HAAO: variants seen among roughly 807,000 people sequenced by gnomAD.
The protein encoded by HAAO is 3-hydroxyanthranilate 3,4-dioxygenase.
A neutral mutation model predicts 46.2 loss-of-function variants in HAAO; 49 were observed. The observed-to-expected ratio is 1.06, with a 90% CI of 0.84 to 1.34. HAAO has a LOEUF of 1.34. HAAO is among the 40% of genes most tolerant of loss of function. The probability of loss-of-function intolerance (pLI) is 0.00; values close to 1 mark genes in which losing one functional copy is unlikely to be tolerated. For missense variants in HAAO, 408 were observed against 364.5 expected, an observed-to-expected ratio of 1.12 and a Z score of -0.97; for synonymous variants, 157 against 145.2, an observed-to-expected ratio of 1.08 and a Z score of -0.58.
Position 42,788,420 on chromosome 2 carries a change from A to G in HAAO, c.159+109T>C, listed in dbSNP as rs2104670490. 3.9e-6 allele frequency: 3 copies of G among 766,460 alleles called. No individual in the cohort carries two copies. In the East Asian group the frequency reaches 7.5e-5, roughly 19 times the overall value. 47.5% of individuals were successfully genotyped at this position (766,460 alleles called of 1,614,324 possible). A position where few individuals can be genotyped will look rare whatever the true frequency, so the allele number is the denominator to read the frequency against. On this transcript the variant is annotated intron_variant, in intron 2 of 9. Transcript: ENST00000294973. ...CCCTCCACTCATCAGCCACATGTCCACCCCTCTCCAGTCCATCATCTCTGG... is the reference window on the plus strand; with the variant it reads ...CCCTCCACTCATCAGCCACATGTCCGCCCCTCTCCAGTCCATCATCTCTGG...
chr2:42,783,720 G>A (rs1672179472), intron 3 of HAAO, 64 bp downstream of exon 3: 1 of 1,391,474 alleles, frequency 7.2e-7, no homozygotes, highest in Non-Finnish European at 1.0e-6. Flanking sequence ...CAGGATGAGT[G>A]GACAGGGCGG....
chr2:42,785,384 A>G (rs1672311353), intron 2 of HAAO, among the ~76,000 whole-genome samples: 1 of 152,240 alleles, frequency 6.6e-6, no homozygotes, highest in Non-Finnish European at 1.5e-5. Context: ...GGAAAATGGA[A>G]AATGCTAAAG....
rs1460139101 is a variant in HAAO, at chr2:42,788,585, T to A, written c.103A>T (p.Met35Leu). The change falls in exon 2 of 10, where the codon ATG becomes TTG. Residue 35 changes from methionine (M) to leucine (L), a missense_variant. Met to Leu is a conservative substitution (Grantham distance 15). Transcript: ENST00000294973. The part of the protein sequence containing the change: ...KLMHQEQLKV[M>L]FIGGPNTRKD... ...CTGGTGTTGGGGCCTCCGATGAACA[T>A]GACTTTGAGCTGCTCCTGGTGCCTG... 1.9e-6 allele frequency: 3 copies of A among 1,596,190 alleles called. No homozygotes were observed. The African/African-American group carries it at 4.0e-5, about 21-fold the overall frequency.
Position 42,767,474 on chromosome 2 carries a change from A to G in HAAO, c.824T>C (p.Val275Ala). Residue 275 changes from valine to alanine, a missense_variant, in exon 10 of 10, where the codon GTG (valine) becomes GCG (alanine). By Grantham distance (64) the Val-to-Ala change is moderately conservative (BLOSUM62 0). Transcript: ENST00000294973. ...CTTCTTGCAGGCAGGGTCCTGGGTC[A>G]CAGACAGGGCCACAGAGCCTTGTGT... ...ERTQGSVALS[V>A]TQDPACKKPL... The G allele has an allele frequency of 1.2e-6, 2 of 1,613,380 alleles. No homozygotes were observed. Among genetic ancestry groups the G allele is most frequent in the Non-Finnish European group, 1.7e-6 (2 of 1,179,738 alleles).
intron 7 of HAAO, 35 bp from the exon 8 acceptor site, chr2:42,767,963 C>A: frequency 6.3e-7 from 1 of 1,588,566 alleles, no homozygotes; most frequent in Non-Finnish European, 8.6e-7. Flanking sequence ...TCTGGTGCTT[C>A]TTGCCCCACA....
rs1371982363 is a variant in HAAO, at chr2:42,771,273, A to G, written c.351-691T>C. On this transcript the variant is annotated intron_variant, in intron 4 of 9. Coordinates refer to ENST00000294973, the MANE Select transcript of HAAO (RefSeq NM_012205.3). ...ATAGCCAGGCATAACAAAAGATAGA[A>G]AAAAAATAGCCAGGCATGCTGGCAG... 3.3e-5 allele frequency among the ~76,000 whole-genome samples: 5 copies of G among 151,944 alleles called. No homozygotes were observed. The East Asian group carries it at 9.7e-4, about 29-fold the overall frequency.
At chr2:42,773,339 G>A (rs1459269296) in intron 4 of HAAO, among the ~76,000 whole-genome samples, 1 of 152,138 alleles carries the variant, frequency 6.6e-6, no homozygotes, top group Non-Finnish European at 1.5e-5. Flanking sequence ...AGTGTGTGTT[G>A]TGGAATGAGC....
intron 2 of HAAO, among the ~76,000 whole-genome samples, chr2:42,786,156 T>C (rs1452468835): frequency 6.6e-6 from 1 of 151,844 alleles, no homozygotes; most frequent in African/African-American, 2.4e-5. Context: ...CTGGGCCAGA[T>C]TTAAACCCTT....
intron 4 of HAAO, among the ~76,000 whole-genome samples, chr2:42,781,496 T>C (rs1351487324): frequency 1.3e-5 from 2 of 152,212 alleles, no homozygotes; most frequent in East Asian, 3.8e-4. Context: ...ATGGCTAGGC[T>C]TGGCTTTAAA....
intron 3 of HAAO, 38 bp downstream of exon 3, chr2:42,783,746 G>T (rs552700710): frequency 1.3e-6 from 2 of 1,558,546 alleles, no homozygotes; most frequent in African/African-American, 1.4e-5. Context: ...AGCTGTGGCC[G>T]CCTTTCTCTT....
At chr2:42,770,647 C>G in intron 4 of HAAO, 65 bp from the exon 5 acceptor site, 3 of 1,013,802 alleles carry the variant, frequency 3.0e-6, no homozygotes, top group East Asian at 5.2e-5. Context: ...CAGCCCCACT[C>G]AGGCCTGGCT....
chr2:42,782,812 C>A, intron 4 of HAAO: 1 of 409,852 alleles, frequency 2.4e-6, no homozygotes, highest in Non-Finnish European at 5.0e-6. Context: ...CCCACCTTTG[C>A]TTGGAGTTGT....
intron 4 of HAAO, among the ~76,000 whole-genome samples, chr2:42,780,200 CT>C (rs1181946436): frequency 1.4e-5 from 2 of 139,918 alleles, no homozygotes; most frequent in Admixed American, 7.6e-5. Flanking sequence ...CACAGGTGTT[CT>C]TTTTTTTTAA....
chr2:42,770,219 CGAG>C (rs1671003934), intron 5 of HAAO, 33 bp from the exon 6 acceptor site: 1 of 1,573,336 alleles, frequency 6.4e-7, no homozygotes, highest in East Asian at 2.3e-5. Flanking sequence ...GCAGGAGTGG[CGAG>C]CACTCCCATC....
chr2:42,768,385 G>A (rs1486971316), intron 7 of HAAO, among the ~76,000 whole-genome samples: 4 of 152,204 alleles, frequency 2.6e-5, no homozygotes, highest in Non-Finnish European at 4.4e-5. Flanking sequence ...GTGCAGGGCC[G>A]TGCTGCTGAT....
intron 7 of HAAO, 75 bp downstream of exon 7, chr2:42,769,638 A>T: frequency 8.4e-7 from 1 of 1,197,122 alleles, no homozygotes; most frequent in Non-Finnish European, 1.2e-6. Context: ...AGAGAGAGGC[A>T]GTGAGAGAGA....
At chr2:42,787,142 C>G (rs1672448923) in intron 2 of HAAO, among the ~76,000 whole-genome samples, 1 of 152,192 alleles carries the variant, frequency 6.6e-6, no homozygotes, top group South Asian at 2.1e-4. Context: ...CTGTGCTGGC[C>G]AGCTCTCCTT....
At chr2:42,788,082 G>C (rs973255274) in intron 2 of HAAO, among the ~76,000 whole-genome samples, 14 of 152,090 alleles carry the variant, frequency 9.2e-5, no homozygotes, top group Admixed American at 3.9e-4. Flanking sequence ...TCAGCCCCTC[G>C]AACTCCCTCT....
intron 4 of HAAO, among the ~76,000 whole-genome samples, chr2:42,771,653 C>A (rs557123267): frequency 1.8e-4 from 28 of 152,240 alleles, no homozygotes; most frequent in Non-Finnish European, 2.9e-5. Context: ...GCTCCTCCCC[C>A]GGCCTGAGGA....
Sources: gnomAD v4.1 joint callset for allele counts (sites outside exome capture counted in the v4.1 genomes callset) on GRCh38, gnomAD v4.1.1 for gene constraint, MANE v1.5 for transcripts, NCBI Gene and HGNC (gene_info 2026-07-23, HGNC 2026-07-21) for gene names.